POLN: variants seen among roughly 807,000 people sequenced by gnomAD.
The protein encoded by POLN is DNA polymerase N.
In POLN, 108 loss-of-function variants were observed where a neutral mutation model predicts 113.5. That is an observed-to-expected ratio of 0.95 (90% CI 0.81 to 1.12). The LOEUF (loss-of-function observed/expected upper bound fraction) is 1.12. POLN is among the 50% of genes most tolerant of loss of function. The probability of loss-of-function intolerance (pLI) is 0.00; values close to 1 mark genes in which losing one functional copy is unlikely to be tolerated. For missense variants in POLN, 1,097 were observed against 1,077.1 expected, an observed-to-expected ratio of 1.02 and a Z score of -0.26; for synonymous variants, 386 against 391.5, an observed-to-expected ratio of 0.99 and a Z score of 0.17.
At position 2,190,996 on chromosome 4, in the gene POLN, T is replaced by G. The variant is rs574287112; in HGVS notation, c.1021+2208A>C. On this transcript the variant is annotated intron_variant, in intron 7 of 25. Coordinates refer to ENST00000511885, the MANE Select transcript of POLN (RefSeq NM_181808.4). ...CAAAAAACGAAATAGAACTACCATA[T>G]GATCCAGCAATCCCACTCCTGGGTA... Among the ~76,000 whole-genome samples the G allele has an allele frequency of 1.1e-4, 16 of 152,344 alleles. No homozygotes were observed. The East Asian group carries it at 2.7e-3, about 26-fold the overall frequency.
At chr4:2,149,111 T>C (rs1442704345) in intron 16 of POLN, among the ~76,000 whole-genome samples, 1 of 151,868 alleles carries the variant, frequency 6.6e-6, no homozygotes, top group African/African-American at 2.4e-5. Flanking sequence ...CTGGGCAACA[T>C]GGTGAAACCC....
intron 2 of POLN, among the ~76,000 whole-genome samples, chr4:2,237,474 GAGAA>G (rs979663622): frequency 2.0e-5 from 3 of 151,136 alleles, no homozygotes; most frequent in South Asian, 2.1e-4. Context: ...GGAAAGAAGA[GAGAA>G]AGAGAGAGAA....
chr4:2,176,150 C>T (rs768076942), intron 9 of POLN, 116 bp downstream of exon 9: 21 of 822,842 alleles, frequency 2.6e-5, no homozygotes, highest in Non-Finnish European at 3.9e-5. Flanking sequence ...TTAATTTGTT[C>T]TTAGAACTCA....
chr4:2,115,430 C>T (rs1396489756), intron 19 of POLN, among the ~76,000 whole-genome samples: 1 of 151,934 alleles, frequency 6.6e-6, no homozygotes, highest in Non-Finnish European at 1.5e-5. Context: ...GTAGTTTTCA[C>T]TTCTCTATTG....
intron 7 of POLN, among the ~76,000 whole-genome samples, chr4:2,183,880 C>CT (rs1733204555): frequency 7.4e-6 from 1 of 134,932 alleles, no homozygotes; most frequent in Admixed American, 7.1e-5. Flanking sequence ...ACAAGGTGTT[C>CT]TTTTTTTCTT....
intron 5 of POLN, among the ~76,000 whole-genome samples, chr4:2,206,405 A>C (rs1014923694): frequency 6.6e-6 from 1 of 152,264 alleles, no homozygotes; most frequent in African/African-American, 2.4e-5. Flanking sequence ...GCTGGGACTT[A>C]ATTAAACTAA....
At chr4:2,122,435 G>C (rs1731465534) in intron 19 of POLN, among the ~76,000 whole-genome samples, 1 of 152,194 alleles carries the variant, frequency 6.6e-6, no homozygotes, top group Admixed American at 6.5e-5. Context: ...CCTGTGTTCA[G>C]AGGTAGAGGA....
chr4:2,173,516 G>A (rs200041295), intron 11 of POLN, among the ~76,000 whole-genome samples: 5 of 147,022 alleles, frequency 3.4e-5, no homozygotes, highest in East Asian at 2.0e-4. Flanking sequence ...GCCCCGCCCC[G>A]CCACTGCTCA....
rs6830513 is a variant in POLN, at chr4:2,179,353, T to C, written c.1134A>G (p.Thr378=). Residue 378 remains threonine, a synonymous_variant, in exon 8 of 26, where the codon ACA becomes ACG. Transcript: ENST00000511885. The part of the protein sequence containing the change: ...LVEKYCEKSI[T]VKVNSTYGNS... ...TTCCATATGTGCTGTTCACTTTAAC[T>C]GTAATGGATTTTTCACAGTATTTTT... 225,955 of 1,611,502 alleles carry C rather than the reference T, an allele frequency of 0.14. 24,710 individuals are homozygous for C. The highest frequency in any genetic ancestry group is 0.52 in the African/African-American group (39,061 of 74,752).
At chr4:2,218,423 C>A (rs1053841275) in intron 3 of POLN, among the ~76,000 whole-genome samples, 1 of 151,226 alleles carries the variant, frequency 6.6e-6, no homozygotes, top group Non-Finnish European at 1.5e-5. Flanking sequence ...CCAGCCTGGG[C>A]AACAAGGGTG....
At chr4:2,234,079 A>G (rs1283581138) in intron 2 of POLN, among the ~76,000 whole-genome samples, 1 of 152,242 alleles carries the variant, frequency 6.6e-6, no homozygotes, top group Non-Finnish European at 1.5e-5. Context: ...GACTATCAAA[A>G]TACCCAGTAA....
chr4:2,134,060 G>C (rs10005860), intron 16 of POLN, among the ~76,000 whole-genome samples: 16,450 of 152,134 alleles, frequency 0.11, 2,950 homozygotes, highest in African/African-American at 0.37. Context: ...TGTTTACTGT[G>C]TCTACAGTTT....
chr4:2,143,026 A>AT (rs373285047), intron 16 of POLN, among the ~76,000 whole-genome samples: 15 of 151,332 alleles, frequency 9.9e-5, no homozygotes, highest in South Asian at 2.1e-4. Flanking sequence ...CTCTGATGCA[A>AT]TTTTTTTTTG....
At chr4:2,205,754 A>G (rs1733826042) in intron 5 of POLN, among the ~76,000 whole-genome samples, 1 of 152,028 alleles carries the variant, frequency 6.6e-6, no homozygotes, top group African/African-American at 2.4e-5. Flanking sequence ...GCACCTCCCA[A>G]GTCCCAGCTA....
chr4:2,080,195 C>G, intron 23 of POLN: 2 of 987,266 alleles, frequency 2.0e-6, no homozygotes, highest in Non-Finnish European at 2.4e-6. Flanking sequence ...GAGGAGGTGT[C>G]TGGGTCACCA....
chr4:2,171,389 A>G (rs1388933953), intron 11 of POLN, among the ~76,000 whole-genome samples: 1 of 2,598 alleles, frequency 3.8e-4, no homozygotes. Context: ...CCCACCACTA[A>G]AAAAAAAAAA....
At chr4:2,080,127 T>C in intron 23 of POLN, 1 of 985,492 alleles carries the variant, frequency 1.0e-6, no homozygotes, top group Non-Finnish European at 1.2e-6. Flanking sequence ...TGGGGCAGGT[T>C]AGCTCCCAGA....
chr4:2,229,186 G>A lies in POLN; in HGVS notation c.46C>T (p.Pro16Ser), dbSNP rs373878149. Residue 16 changes from proline (P) to serine (S), a missense_variant, in exon 3 of 26, where the codon CCG (proline) becomes TCG (serine). Pro to Ser is a moderately conservative substitution (Grantham distance 74, BLOSUM62 -1). Transcript: ENST00000511885. ...ATCTTCTGAGCAACACTGGAGAGCG[G>A]TGTATTACAGAGATCAAAGCCTACC... Reference protein sequence around the residue: ...ALVGFDLCNTPLSSVAQKIMS... With the variant: ...ALVGFDLCNTSLSSVAQKIMS... The A allele has an allele frequency of 6.2e-7, 1 of 1,610,108 alleles. No individual in the cohort carries two copies. The highest frequency in any genetic ancestry group is 8.5e-7 in the Non-Finnish European group (1 of 1,177,138).
At chr4:2,188,644 C>A (rs923220273) in intron 7 of POLN, among the ~76,000 whole-genome samples, 1 of 146,712 alleles carries the variant, frequency 6.8e-6, no homozygotes, top group Non-Finnish European at 1.5e-5. Flanking sequence ...CAAAAAAAAA[C>A]CACGAACATA....
Sources: allele counts gnomAD v4.1 joint callset (sites outside exome capture counted in the v4.1 genomes callset), GRCh38; gene constraint gnomAD v4.1.1; transcripts MANE v1.5; gene names NCBI Gene and HGNC (gene_info 2026-07-23, HGNC 2026-07-21).